FAT2: variants seen among roughly 807,000 people sequenced by gnomAD.
FAT2 encodes FAT atypical cadherin 2, also known as protocadherin Fat 2.
In FAT2, 150 loss-of-function variants were observed where a neutral mutation model predicts 295.3. The observed-to-expected ratio is 0.51, with a 90% CI of 0.44 to 0.58. FAT2 has a LOEUF of 0.58. Among genes scored for constraint, FAT2 ranks in the 20% least tolerant of loss-of-function variants. The pLI, the probability that FAT2 is intolerant of heterozygous loss-of-function variation, is 0.00. For missense variants in FAT2, 4,868 were observed against 5,442.7 expected (o/e 0.89, Z 3.32); for synonymous variants, 2,026 against 2,150.3 (o/e 0.94, Z 1.60).
At chr5:151,573,747 AG>A (rs1306299322) in intron 1 of FAT2, among the ~76,000 whole-genome samples, 1 of 152,234 alleles carries the variant, frequency 6.6e-6, no homozygotes, top group Admixed American at 6.5e-5. Context: ...TTAGTGCTGT[AG>A]GGCTTTATAG....
In FAT2 at chr5:151,531,874, A is replaced by G. The variant is rs774864012; in HGVS notation, c.9524T>C (p.Leu3175Pro). Residue 3175 changes from leucine (L) to proline (P), a missense_variant, in exon 14 of 24, where the codon CTG (leucine) becomes CCG (proline). By Grantham distance (98) the Leu-to-Pro change is moderately conservative. Coordinates refer to ENST00000261800, the MANE Select transcript of FAT2 (RefSeq NM_001447.3). This position sits in a 1 kb window ranked among gnomAD's most constrained non-coding sequence, Gnocchi z 5.7. ...CAGTGGTGCCTGGGGCCTGACCTGC[A>G]GCGGCTTTTCCAGGCGGATCACCCC... ...TTGVIRLEKP[L>P]QVRPQAPLEL... 81 of 1,614,086 alleles carry G rather than the reference A, an allele frequency of 5.0e-5. No individual in the cohort carries two copies. The Middle Eastern group carries it at 5.0e-3, about 99-fold the overall frequency.
chr5:151,513,473 C>A (rs1294038217), intron 20 of FAT2, among the ~76,000 whole-genome samples: 1 of 152,120 alleles, frequency 6.6e-6, no homozygotes, highest in African/African-American at 2.4e-5. Context: ...GGCCATTATC[C>A]TAAGCAAACT....
At chr5:151,564,589 G>T (rs1026330352) in intron 2 of FAT2, among the ~76,000 whole-genome samples, 1 of 152,086 alleles carries the variant, frequency 6.6e-6, no homozygotes, top group Non-Finnish European at 1.5e-5. Flanking sequence ...CTTTATTCAC[G>T]TGGGATCTCC....
rs574015986 is a variant in FAT2 at position 151,569,578 on chromosome 5, G to A, written c.-20-627C>T. On this transcript the variant is annotated intron_variant, in intron 1 of 23. Transcript: ENST00000261800. ...CCAGCCCCAATGTCAATAGTGCCAT[G>A]GTTGAGAAACCCCGTGGCTGAAGAA... is the stretch of plus-strand genomic sequence containing the variant. Among the ~76,000 whole-genome samples the A allele has an allele frequency of 5.9e-5, 9 of 152,318 alleles. No homozygotes were observed. In the South Asian group the frequency reaches 6.2e-4, roughly 11 times the overall value.
chr5:151,549,213 T>C, intron 9 of FAT2, 82 bp downstream of exon 9: 2 of 1,318,644 alleles, frequency 1.5e-6, no homozygotes, highest in Non-Finnish European at 2.1e-6. Context: ...CTTGATTAAT[T>C]TGCGAATTCA....
chr5:151,572,606 T>C (rs1758575202), intron 1 of FAT2, among the ~76,000 whole-genome samples: 1 of 152,192 alleles, frequency 6.6e-6, no homozygotes, highest in African/African-American at 2.4e-5. Flanking sequence ...CTCTTAAGAG[T>C]ACTGCATTCA....
In FAT2 at chr5:151,544,486, A is replaced by C. The variant is rs775706255; in HGVS notation, c.6641T>G (p.Met2214Arg). The stretch of plus-strand genomic sequence containing the variant: ...AGTCTTGAAGTCAGTGGTGAACAGC[A>C]TCAAGGGTTCTTCCTCCACAATGTT... ...IYNIVEEEPL[M>R]LFTTDFKTGV... is the part of the protein sequence containing the mutation. The change falls in exon 10 of 24, where the codon ATG becomes AGG. Residue 2214 changes from methionine (M) to arginine (R), a missense_variant. Physicochemically the swap from Met to Arg is moderately conservative, Grantham distance 91 (BLOSUM62 -1). Coordinates refer to ENST00000261800, the MANE Select transcript of FAT2 (RefSeq NM_001447.3). The C allele has an allele frequency of 4.3e-6, 7 of 1,614,144 alleles. No individual in the cohort carries two copies. The South Asian group carries it at 7.7e-5, about 18-fold the overall frequency.
rs143315684 is a variant in FAT2 at position 151,514,591 on chromosome 5, G to C, written c.11464-1985C>G. 5.4e-3 allele frequency among the ~76,000 whole-genome samples: 817 copies of C among 152,310 alleles called. 13 individuals are homozygous for C. The highest frequency in any genetic ancestry group is 0.018 in the African/African-American group (768 of 41,564). The stretch of plus-strand genomic sequence containing the variant: ...TTTCATGACCATGGCTCTCAAATGA[G>C]CCTTTAATGCTGCCCAGCAATCACA... On this transcript the variant is annotated intron_variant, in intron 20 of 23. Coordinates refer to ENST00000261800, the MANE Select transcript of FAT2 (RefSeq NM_001447.3).
At chr5:151,538,823 C>T (rs563291519) in intron 11 of FAT2, among the ~76,000 whole-genome samples, 3 of 151,820 alleles carry the variant, frequency 2.0e-5, no homozygotes, top group South Asian at 4.2e-4. Flanking sequence ...AGTACAGGTG[C>T]GTGCCACCAC....
chr5:151,583,997 CAAAAAAAAAAAAA>C (rs35453556), intron 1 of FAT2, among the ~76,000 whole-genome samples: 1 of 46,046 alleles, frequency 2.2e-5, no homozygotes, highest in South Asian at 1.3e-3. Context: ...GGCTCTGTCT[CAAAAAAAAAAAAA>C]AAAAAAAAAA....
intron 1 of FAT2, among the ~76,000 whole-genome samples, chr5:151,581,773 G>T (rs916765682): frequency 6.6e-6 from 1 of 152,160 alleles, no homozygotes; most frequent in Non-Finnish European, 1.5e-5. Flanking sequence ...CCCCTGGCCC[G>T]CTCCCCATGC....
At chr5:151,539,271 A>G (rs1341753526) in intron 11 of FAT2, among the ~76,000 whole-genome samples, 2 of 152,206 alleles carry the variant, frequency 1.3e-5, no homozygotes, top group African/African-American at 4.8e-5. Flanking sequence ...TGTGACTGGC[A>G]TGTAGAAGAG....
At chr5:151,526,004 G>A (rs1354146003) in intron 17 of FAT2, 39 bp from the exon 18 acceptor site, 10 of 1,597,338 alleles carry the variant, frequency 6.3e-6, no homozygotes, top group South Asian at 1.1e-5. Context: ...AGAGCAGAAT[G>A]AGTCCCGGTC....
In FAT2 at chr5:151,505,628, G is replaced by A. The variant is rs778212467; in HGVS notation, c.12987C>T (p.Pro4329=). The change falls in exon 24 of 24, where the codon CCC becomes CCT. Residue 4329 remains proline (P), a synonymous_variant. Coordinates refer to ENST00000261800, the MANE Select transcript of FAT2 (RefSeq NM_001447.3). ...LAGQGQPRVP[P]NYEGSDMVES... ...CCACCATGTCAGAGCCCTCATAGTTGGGGGGCACCCGGGGCTGGCCCTGGC... is the reference window on the plus strand; with the variant it reads ...CCACCATGTCAGAGCCCTCATAGTTAGGGGGCACCCGGGGCTGGCCCTGGC... 1.2e-6 allele frequency: 2 copies of A among 1,614,122 alleles called. No individual in the cohort carries two copies. Among genetic ancestry groups the A allele is most frequent in the Non-Finnish European group, 1.7e-6 (2 of 1,180,018 alleles).
upstream of FAT2, among the ~76,000 whole-genome samples, chr5:151,591,836 C>T (rs1355535025): frequency 6.6e-6 from 1 of 152,284 alleles, no homozygotes; most frequent in East Asian, 1.9e-4. Context: ...TAGCTCCTAC[C>T]TCATAAGGTT....
chr5:151,519,138 G>T (rs2127577269), intron 19 of FAT2, among the ~76,000 whole-genome samples: 1 of 152,350 alleles, frequency 6.6e-6, no homozygotes, highest in Non-Finnish European at 1.5e-5. Flanking sequence ...GAGGTCAGGA[G>T]TTCGAGACCA....
rs1758395040 is a variant in FAT2 at position 151,568,640 on chromosome 5, T to G, written c.292A>C (p.Arg98=). Residue 98 remains arginine (R), a synonymous_variant, in exon 2 of 24, where the codon AGG becomes CGG. Coordinates refer to ENST00000261800, the MANE Select transcript of FAT2 (RefSeq NM_001447.3). ...AGAGCTGTGTTGCTGCTCTTTGTCC[T>G]TATTCTTAGGAAGCAGAAGTTGCCC... ...VVGNFCFLRI[R]TKSSNTALLN... is the part of the protein sequence containing the mutation. 6.2e-7 allele frequency: 1 copy of G among 1,614,098 alleles called. No individual in the cohort carries two copies. The highest frequency in any genetic ancestry group is 1.3e-5 in the African/African-American group (1 of 74,932).
intron 3 of FAT2, among the ~76,000 whole-genome samples, chr5:151,562,663 G>A (rs1758069532): frequency 6.6e-6 from 1 of 152,212 alleles, no homozygotes; most frequent in African/African-American, 2.4e-5. Flanking sequence ...GGAATGTTTT[G>A]TGGAATTTTC....
chr5:151,528,593 A>G (rs894360360), intron 15 of FAT2, among the ~76,000 whole-genome samples: 1 of 152,012 alleles, frequency 6.6e-6, no homozygotes, highest in African/African-American at 2.4e-5. Flanking sequence ...GTGAGCCCAG[A>G]GTGTGGAAGT....
Sources: allele counts gnomAD v4.1 joint callset (sites outside exome capture counted in the v4.1 genomes callset), GRCh38; gene constraint gnomAD v4.1.1; non-coding constraint Gnocchi (gnomAD v3.1); transcripts MANE v1.5; gene names NCBI Gene and HGNC (gene_info 2026-07-23, HGNC 2026-07-21).